CELF2: variants seen among roughly 807,000 people sequenced by gnomAD.
CELF2 encodes the protein CUG triplet repeat RNA-binding protein 2.
CELF2 carries 8 observed loss-of-function variants against 62.6 expected under a neutral mutation model. The ratio of observed to expected loss-of-function variants is 0.13; its 90% CI spans 0.07 to 0.23. The LOEUF (loss-of-function observed/expected upper bound fraction) is 0.23, where lower values mean the gene tolerates loss of function less well. Among genes scored for constraint, CELF2 ranks in the 10% least tolerant of loss-of-function variants. The pLI is 1.00. For synonymous variants in CELF2, 258 were observed against 250.0 expected (o/e 1.03, Z -0.30); for missense variants, 333 against 671.0 (o/e 0.50, Z 5.56).
the CELF2 span, among the ~76,000 whole-genome samples, chr10:10,556,472 G>T: frequency 1.3e-5 from 2 of 152,120 alleles, no homozygotes; most frequent in Non-Finnish European, 2.9e-5. Context: ...TTGCTATTGT[G>T]AATAATGCCG....
At chr10:11,291,014 A>C (rs944229663) in intron 9 of CELF2, among the ~76,000 whole-genome samples, 5 of 152,238 alleles carry the variant, frequency 3.3e-5, no homozygotes, top group African/African-American at 9.6e-5. Flanking sequence ...CCACTTCATC[A>C]AGGCAGTTTC....
the CELF2 span, among the ~76,000 whole-genome samples, chr10:10,614,523 A>G: frequency 3.5e-4 from 54 of 152,250 alleles, no homozygotes; most frequent in Non-Finnish European, 7.5e-4. Flanking sequence ...GTAAAATTCC[A>G]CTGTCTTCAG....
At chr10:11,020,604 G>A (rs916106282) in intron 1 of CELF2, among the ~76,000 whole-genome samples, 1 of 152,198 alleles carries the variant, frequency 6.6e-6, no homozygotes, top group East Asian at 1.9e-4. Flanking sequence ...ATATTGGCCT[G>A]TTCCTAAAAG....
intron 2 of CELF2, among the ~76,000 whole-genome samples, chr10:10,939,716 A>C (rs1443349321): frequency 1.3e-5 from 2 of 152,076 alleles, no homozygotes; most frequent in East Asian, 3.9e-4. Context: ...GCACTTTGGG[A>C]GGCCGAGGCG....
rs896306965 is a variant in CELF2, at chr10:11,021,620, A to G, written c.74+3457A>G. The stretch of plus-strand genomic sequence containing the variant: ...TGCCATGCGCCAGGATAGTTTATTC[A>G]CACCGTCTCTAATCTGCAGGGTGGA... On this transcript the variant is annotated intron_variant, in intron 1 of 12. Coordinates refer to ENST00000633077, the MANE Select transcript of CELF2 (RefSeq NM_001326342.2). 5.9e-5 allele frequency among the ~76,000 whole-genome samples: 9 copies of G among 152,284 alleles called. No individual in the cohort carries two copies. In the South Asian group the frequency reaches 1.9e-3, roughly 32 times the overall value.
chr10:11,152,906 T>A (rs2063604794), intron 1 of CELF2, among the ~76,000 whole-genome samples: 1 of 152,190 alleles, frequency 6.6e-6, no homozygotes, highest in Admixed American at 6.6e-5. Flanking sequence ...GGTGGTGGGC[T>A]CCATCAATCC....
At chr10:10,707,616 G>T in the CELF2 span, among the ~76,000 whole-genome samples, 2 of 152,154 alleles carry the variant, frequency 1.3e-5, no homozygotes, top group African/African-American at 4.8e-5. Context: ...CTGCCACAAG[G>T]ATCTGTGATC....
chr10:10,981,382 C>G (rs2052079846), intron 2 of CELF2, among the ~76,000 whole-genome samples: 1 of 152,186 alleles, frequency 6.6e-6, no homozygotes, highest in Admixed American at 6.5e-5. Context: ...GCACTAAAAA[C>G]TAATAAGCCA....
At chr10:11,118,573 T>G (rs1288748684) in intron 1 of CELF2, among the ~76,000 whole-genome samples, 8 of 152,226 alleles carry the variant, frequency 5.3e-5, no homozygotes, top group Admixed American at 3.9e-4. Context: ...AGAGAAGAAC[T>G]GAGGCATGGT....
At chr10:10,606,004 AC>A in the CELF2 span, among the ~76,000 whole-genome samples, 1 of 152,230 alleles carries the variant, frequency 6.6e-6, no homozygotes, top group East Asian at 1.9e-4. Context: ...TCATTTTACA[AC>A]CCTGAATGTG....
rs554436165 is a variant in CELF2 at position 10,978,623 on chromosome 10, A to G, written c.89+58624A>G. On this transcript the variant is annotated intron_variant, in intron 2 of 13. Transcript: ENST00000636488. ...GTACTACACATGCCAAGAATGCAAT[A>G]AAAACAACTTGAATTATTATAGGGG... Among the ~76,000 whole-genome samples the G allele has an allele frequency of 8.3e-4, 127 of 152,352 alleles. 2 individuals are homozygous for G. The highest frequency in any genetic ancestry group is 2.1e-3 in the South Asian group (10 of 4,824).
Position 10,996,789 on chromosome 10 carries a change from T to C in CELF2, c.89+76790T>C, listed in dbSNP as rs553852753. On this transcript the variant is annotated intron_variant, in intron 2 of 13. Transcript: ENST00000636488. ...CATTTTTTTTTGTTGCCCTCAACTT[T>C]TTTCTGGGCTGGTCTCTTCCACTGC... is the stretch of plus-strand genomic sequence containing the variant. Among the ~76,000 whole-genome samples, 84 of 152,272 alleles carry C rather than the reference T, an allele frequency of 5.5e-4. 1 individual carries two copies. Among genetic ancestry groups the C allele is most frequent in the Admixed American group, 1.6e-3 (25 of 15,300 alleles).
chr10:10,893,863 C>G (rs748962241), intron 1 of CELF2, among the ~76,000 whole-genome samples: 8 of 152,150 alleles, frequency 5.3e-5, no homozygotes, highest in African/African-American at 9.7e-5. Flanking sequence ...AACCTCCCCC[C>G]ATGATCTAAT....
At chr10:11,256,044 G>A (rs138134468) in intron 4 of CELF2, among the ~76,000 whole-genome samples, 61 of 152,318 alleles carry the variant, frequency 4.0e-4, no homozygotes, top group Admixed American at 1.0e-3. Context: ...AAATCTTTTG[G>A]AGACAGACAG....
At chr10:10,897,129 GA>G (rs1168221964) in intron 1 of CELF2, among the ~76,000 whole-genome samples, 1 of 152,216 alleles carries the variant, frequency 6.6e-6, no homozygotes, top group Admixed American at 6.5e-5. Context: ...TGTTTCTGGT[GA>G]AGGCTCAGTG....
At chr10:10,487,510 A>G in the CELF2 span, among the ~76,000 whole-genome samples, 1 of 152,148 alleles carries the variant, frequency 6.6e-6, no homozygotes, top group Non-Finnish European at 1.5e-5. Context: ...TTAACTGTGG[A>G]TAGTTTTACC....
intron 5 of CELF2, among the ~76,000 whole-genome samples, chr10:11,262,939 A>C (rs1280890483): frequency 3.8e-4 from 4 of 10,440 alleles, no homozygotes; most frequent in Non-Finnish European, 5.7e-4. Flanking sequence ...AAGTGGCTTT[A>C]CTTTTTTTTT....
At chr10:10,845,881 T>C (rs1591104908) in intron 1 of CELF2, among the ~76,000 whole-genome samples, 1 of 152,146 alleles carries the variant, frequency 6.6e-6, no homozygotes, top group East Asian at 1.9e-4. Context: ...CGATTTCTTT[T>C]ATTAAAGCTG....
chr10:11,251,398 T>C (rs2137435643), intron 4 of CELF2, among the ~76,000 whole-genome samples: 1 of 151,350 alleles, frequency 6.6e-6, no homozygotes. Flanking sequence ...CTGTCCAGTG[T>C]CCACTGTGGT....
Sources: allele counts gnomAD v4.1 joint callset (sites outside exome capture counted in the v4.1 genomes callset), GRCh38; gene constraint gnomAD v4.1.1; transcripts MANE v1.5; gene names NCBI Gene and HGNC (gene_info 2026-07-23, HGNC 2026-07-21).